The following LIG3 variants were observed in gnomAD, a reference collection of about 807,000 sequenced individuals.
LIG3 encodes the protein ligase II, DNA, ATP-dependent.
LIG3 carries 58 observed loss-of-function variants against 110.9 expected under a neutral mutation model. That is an observed-to-expected ratio of 0.52 (90% CI 0.42 to 0.65). The LOEUF is 0.65. LIG3 is among the 30% of genes least tolerant of loss of function. The pLI, the probability that LIG3 is intolerant of heterozygous loss-of-function variation, is 0.00. For missense variants in LIG3, 1,094 were observed against 1,273.8 expected, an observed-to-expected ratio of 0.86 and a Z score of 2.15; for synonymous variants, 422 against 472.8, an observed-to-expected ratio of 0.89 and a Z score of 1.39.
chr17:34,983,017 T>A lies in LIG3; in HGVS notation c.12T>A (p.Ala4=). The A allele has an allele frequency of 6.3e-7, 1 of 1,579,976 alleles. No homozygotes were observed. The highest frequency in any genetic ancestry group is 8.6e-7 in the Non-Finnish European group (1 of 1,163,300). MSL[A]FKIFFPQTLR... is the part of the protein sequence containing the mutation. ...TTTCGTACAGCTATATGTCTTTGGC[T>A]TTCAAGATCTTCTTTCCACAAACCC... Residue 4 remains alanine (A), a synonymous_variant, in exon 2 of 20, where the codon GCT becomes GCA. Coordinates refer to ENST00000378526, the MANE Select transcript of LIG3 (RefSeq NM_013975.4).
Position 35,001,356 on chromosome 17 carries a change from C to T in LIG3, c.2431C>T (p.Arg811Ter), listed in dbSNP as rs771267651. 3.1e-6 allele frequency: 5 copies of T among 1,614,140 alleles called. No homozygotes were observed. Among genetic ancestry groups the T allele is most frequent in the Non-Finnish European group, 4.2e-6 (5 of 1,180,022 alleles). Residue 811 changes from arginine (R) to a stop codon, truncating the protein, a stop_gained, in exon 17 of 20, where the codon CGA (arginine) becomes TGA (stop). Transcript: ENST00000378526. LOFTEE classifies it high-confidence loss of function. ...SIRFPRCTRI[R>*]DDKDWKSATN... is the part of the protein sequence containing the mutation. ...CCGATTCCCTCGCTGCACCCGAATC[C>T]GAGATGATAAGGACTGGAAATCTGC...
chr17:34,998,838 C>G, intron 14 of LIG3, 111 bp downstream of exon 14: 1 of 1,367,248 alleles, frequency 7.3e-7, no homozygotes, highest in Non-Finnish European at 9.9e-7. Context: ...TTATGACTTC[C>G]GAAGTCCTAG....
intron 16 of LIG3, among the ~76,000 whole-genome samples, chr17:35,000,839 C>T (rs1346046829): frequency 6.6e-6 from 1 of 151,940 alleles, no homozygotes; most frequent in Non-Finnish European, 1.5e-5. Flanking sequence ...GTCTCAAACT[C>T]CTGACCTCAG....
At chr17:34,999,264 G>T in intron 14 of LIG3, 43 bp from the exon 15 acceptor site, 2 of 1,580,686 alleles carry the variant, frequency 1.3e-6, no homozygotes, top group Non-Finnish European at 1.7e-6. Context: ...GACTGGCAGA[G>T]ATGGCTCCTC....
In LIG3 at chr17:35,006,079, T is replaced by G. The variant is rs2090893463; in HGVS notation, c.*1573T>G. The stretch of plus-strand genomic sequence containing the variant: ...ATAAAAATCCACACCTGAGAACAGA[T>G]CCATACAACCTGCTTACAAAGAACA... On this transcript the variant is annotated 3_prime_UTR_variant, in exon 20 of 20. Coordinates refer to ENST00000378526, the MANE Select transcript of LIG3 (RefSeq NM_013975.4). 5.0e-6 allele frequency: 1 copy of G among 198,604 alleles called. No homozygotes were observed. The highest frequency in any genetic ancestry group is 8.8e-5 in the South Asian group (1 of 11,374). 12.3% of individuals were successfully genotyped at this position (198,604 alleles called of 1,614,324 possible). A position where few individuals can be genotyped will look rare whatever the true frequency, so the allele number is the denominator to read the frequency against.
chr17:35,003,647 G>A (rs2090868465), intron 19 of LIG3: 1 of 159,018 alleles, frequency 6.3e-6, no homozygotes, highest in Admixed American at 6.0e-5. Context: ...CAAGAACTAG[G>A]TTTAGTACTG....
chr17:34,990,863 C>G (rs573935230), intron 4 of LIG3, 100 bp from the exon 5 acceptor site: 2 of 1,128,744 alleles, frequency 1.8e-6, no homozygotes, highest in South Asian at 3.1e-5. Flanking sequence ...TCCCAAAGTG[C>G]TGAGATTACA....
intron 9 of LIG3, among the ~76,000 whole-genome samples, chr17:34,995,807 G>A (rs1454255552): frequency 6.6e-6 from 1 of 152,120 alleles, no homozygotes. Flanking sequence ...CTCAAAAATT[G>A]TACCTTCTCT....
intron 8 of LIG3, 147 bp from the exon 9 acceptor site, chr17:34,994,129 C>A (rs990004620): frequency 1.4e-5 from 9 of 649,756 alleles, no homozygotes; most frequent in Middle Eastern, 4.2e-4. Flanking sequence ...ATCACCTCTT[C>A]ACCAGCCTTC....
Position 34,983,024 on chromosome 17 carries a change from A to G in LIG3, c.19A>G (p.Ile7Val), listed in dbSNP as rs780866913. Reference protein sequence around the residue: MSLAFKIFFPQTLRALS... With the variant: MSLAFKVFFPQTLRALS... ...CAGCTATATGTCTTTGGCTTTCAAG[A>G]TCTTCTTTCCACAAACCCTCCGTGC... The change falls in exon 2 of 20, where the codon ATC (isoleucine) becomes GTC (valine). Residue 7 changes from isoleucine to valine, a missense_variant. By Grantham distance (29) the Ile-to-Val change is conservative (BLOSUM62 3). Transcript: ENST00000378526. The G allele has an allele frequency of 1.9e-6, 3 of 1,579,018 alleles. No homozygotes were observed. In the Admixed American group the frequency reaches 5.5e-5, roughly 29 times the overall value.
intron 13 of LIG3, 27 bp downstream of exon 13, chr17:34,998,323 T>G: frequency 6.3e-7 from 1 of 1,589,800 alleles, no homozygotes; most frequent in East Asian, 2.2e-5. Context: ...TGGCTTCTCC[T>G]GTCGACTCAC....
At chr17:35,002,138 G>A in intron 18 of LIG3, 34 bp downstream of exon 18, 2 of 1,509,984 alleles carry the variant, frequency 1.3e-6, no homozygotes, top group South Asian at 1.3e-5. Context: ...ATGGTGAAGA[G>A]GGCGGTGTGA....
chr17:35,007,998 C>T lies in LIG3; in HGVS notation c.*3492C>T, dbSNP rs1178232841. ...TCGAGTCATCCACGCACCTCAGCCTCCCAAAGTGCTGGGATTACAGGCGTG... is the reference window on the plus strand; with the variant it reads ...TCGAGTCATCCACGCACCTCAGCCTTCCAAAGTGCTGGGATTACAGGCGTG... On this transcript the variant is annotated 3_prime_UTR_variant, in exon 20 of 20. Coordinates refer to ENST00000378526, the MANE Select transcript of LIG3 (RefSeq NM_013975.4). The T allele has an allele frequency of 6.6e-6, 1 of 152,334 alleles. No homozygotes were observed. The highest frequency in any genetic ancestry group is 1.5e-5 in the Non-Finnish European group (1 of 68,136). 9.4% of individuals were successfully genotyped at this position (152,334 alleles called of 1,614,324 possible).
At chr17:34,984,121 T>C (rs985755693) in intron 2 of LIG3, among the ~76,000 whole-genome samples, 1 of 152,242 alleles carries the variant, frequency 6.6e-6, no homozygotes, top group African/African-American at 2.4e-5. Flanking sequence ...CTTGATGTAA[T>C]ACTTAAATCT....
intron 2 of LIG3, among the ~76,000 whole-genome samples, chr17:34,985,221 G>A (rs1265216061): frequency 6.6e-6 from 1 of 152,090 alleles, no homozygotes. Flanking sequence ...GAAATTTTAT[G>A]CCAATACCCC....
In LIG3 at chr17:35,004,594, T is replaced by C. The variant is rs2090880740; in HGVS notation, c.*88T>C. The C allele has an allele frequency of 9.1e-7, 1 of 1,103,860 alleles. No homozygotes were observed. The highest frequency in any genetic ancestry group is 1.5e-5 in the African/African-American group (1 of 64,722). 68.4% of individuals were successfully genotyped at this position (1,103,860 alleles called of 1,614,324 possible). Reference sequence around the variant, plus strand: ...AGGCTGGAGGCAGATAGACACAGTATAGGGGGAATGGGCTTGCTTCTCCCA... The same window carrying C: ...AGGCTGGAGGCAGATAGACACAGTACAGGGGGAATGGGCTTGCTTCTCCCA... On this transcript the variant is annotated 3_prime_UTR_variant, in exon 20 of 20. Transcript: ENST00000378526.
At chr17:34,990,891 C>T (rs2090712311) in intron 4 of LIG3, 72 bp from the exon 5 acceptor site, 1 of 1,500,146 alleles carries the variant, frequency 6.7e-7, no homozygotes. Flanking sequence ...GCCACCTTGC[C>T]CAGCCTTCTT....
chr17:35,001,438 C>T, intron 17 of LIG3, 35 bp downstream of exon 17: 3 of 1,603,306 alleles, frequency 1.9e-6, no homozygotes, highest in East Asian at 4.5e-5. Context: ...TATTCTCCAC[C>T]CCACTGTCCA....
At chr17:34,991,928 G>C (rs752108096) in intron 6 of LIG3, 30 bp from the exon 7 acceptor site, 6 of 1,613,870 alleles carry the variant, frequency 3.7e-6, no homozygotes, top group Non-Finnish European at 5.1e-6. Context: ...AGCTCTTCAA[G>C]ACCAAGTTAA....
Sources: allele counts gnomAD v4.1 joint callset (sites outside exome capture counted in the v4.1 genomes callset), GRCh38; gene constraint gnomAD v4.1.1; transcripts MANE v1.5; gene names NCBI Gene and HGNC (gene_info 2026-07-23, HGNC 2026-07-21).